Variants in LMBR1 observed in about 807,000 individuals in gnomAD.
LMBR1 encodes limb region 1 protein homolog.
A neutral mutation model predicts 73.9 loss-of-function variants in LMBR1; 52 were observed. The observed-to-expected ratio is 0.70, with a 90% CI of 0.56 to 0.89. The LOEUF is 0.89. Ranked by LOEUF, LMBR1 falls within the 40% of genes least tolerant of loss-of-function variation. LMBR1 has a pLI of 0.00. For missense variants in LMBR1, 539 were observed against 579.8 expected (o/e 0.93, Z 0.72); for synonymous variants, 215 against 209.4 (o/e 1.03, Z -0.23).
intron 5 of LMBR1, among the ~76,000 whole-genome samples, chr7:156,789,004 G>A (rs960121115): frequency 1.1e-4 from 17 of 152,124 alleles, no homozygotes; most frequent in Admixed American, 5.9e-4. Flanking sequence ...CCAAGATCTC[G>A]CCATTGCACT....
At chr7:156,701,314 G>A (rs1488740295) in intron 15 of LMBR1, among the ~76,000 whole-genome samples, 1 of 152,190 alleles carries the variant, frequency 6.6e-6, no homozygotes, top group Non-Finnish European at 1.5e-5. Flanking sequence ...TCCAATGGGT[G>A]AACAGATAAA....
intron 15 of LMBR1, among the ~76,000 whole-genome samples, chr7:156,708,365 T>G (rs1811408080): frequency 6.6e-6 from 1 of 152,214 alleles, no homozygotes; most frequent in South Asian, 2.1e-4. Flanking sequence ...ACATCCTCAC[T>G]GTGGTAGCTG....
At chr7:156,886,843 G>A (rs1174178191) in intron 1 of LMBR1, among the ~76,000 whole-genome samples, 1 of 152,156 alleles carries the variant, frequency 6.6e-6, no homozygotes, top group Non-Finnish European at 1.5e-5. Flanking sequence ...TGTTCTCTCA[G>A]TCTTCAGATC....
intron 15 of LMBR1, among the ~76,000 whole-genome samples, chr7:156,689,512 C>G (rs1025248554): frequency 1.3e-5 from 2 of 152,140 alleles, no homozygotes; most frequent in East Asian, 3.8e-4. Flanking sequence ...TCTACAAAAG[C>G]AGCTTAGAGA....
chr7:156,821,786 C>T (rs906259591), intron 4 of LMBR1, among the ~76,000 whole-genome samples: 7 of 151,868 alleles, frequency 4.6e-5, no homozygotes, highest in African/African-American at 1.7e-4. Context: ...TCCCCAGCCA[C>T]CCCTGTCATT....
At position 156,670,701 on chromosome 7, in the gene LMBR1, G is replaced by A. The variant is rs368288321; in HGVS notation, n.867-1414C>T. Reference sequence around the variant, plus strand: ...CGGCAGAAGGTGAGATGGCATCTCCGTGTGTCGGGAGAGACCTAACCGCCA... The same window carrying A: ...CGGCAGAAGGTGAGATGGCATCTCCATGTGTCGGGAGAGACCTAACCGCCA... On this transcript the variant is annotated intron_variant and non_coding_transcript_variant, in intron 4 of 4. Transcript: ENST00000430825. This position sits in a 1 kb window ranked among gnomAD's most constrained non-coding sequence, Gnocchi z 4.3. Among the ~76,000 whole-genome samples, 107 of 152,274 alleles carry A rather than the reference G, an allele frequency of 7.0e-4. 1 individual carries two copies. The South Asian group carries it at 0.021, about 30-fold the overall frequency.
chr7:156,779,781 G>A, intron 5 of LMBR1: 1 of 864,334 alleles, frequency 1.2e-6, no homozygotes, highest in East Asian at 6.3e-5. Flanking sequence ...CTACCCATTA[G>A]GAAGCCTGGG....
At chr7:156,733,656 C>A (rs776157039) in intron 10 of LMBR1, among the ~76,000 whole-genome samples, 1 of 151,902 alleles carries the variant, frequency 6.6e-6, no homozygotes, top group African/African-American at 2.4e-5. Context: ...TCAGCTATAG[C>A]CTAAAATACA....
chr7:156,743,243 C>T (rs116708528), intron 9 of LMBR1, among the ~76,000 whole-genome samples: 1,732 of 152,168 alleles, frequency 0.011, 37 homozygotes, highest in African/African-American at 0.039. Context: ...AAATGACTTA[C>T]GATTTAGCTT....
intron 1 of LMBR1, among the ~76,000 whole-genome samples, chr7:156,863,406 C>T (rs529249571): frequency 2.7e-4 from 41 of 152,142 alleles, no homozygotes; most frequent in Admixed American, 2.6e-3. Flanking sequence ...GGTGCCCACC[C>T]AGATTAAGTG....
chr7:156,814,035 T>C (rs1300849350), intron 4 of LMBR1, among the ~76,000 whole-genome samples: 1 of 152,218 alleles, frequency 6.6e-6, no homozygotes, highest in African/African-American at 2.4e-5. Context: ...AACCTTGCTC[T>C]TATTTTAGTG....
intron 9 of LMBR1, among the ~76,000 whole-genome samples, chr7:156,755,066 T>G (rs1023223015): frequency 6.6e-6 from 1 of 152,166 alleles, no homozygotes; most frequent in African/African-American, 2.4e-5. Context: ...TGTAAAAAAA[T>G]TATACTTAGC....
At chr7:156,818,096 T>C (rs1187972479) in intron 4 of LMBR1, among the ~76,000 whole-genome samples, 2 of 152,204 alleles carry the variant, frequency 1.3e-5, no homozygotes, top group African/African-American at 4.8e-5. Context: ...AACAGTACAT[T>C]AAAATTTATT....
At chr7:156,881,014 C>T (rs1044690058) in intron 1 of LMBR1, among the ~76,000 whole-genome samples, 8 of 152,058 alleles carry the variant, frequency 5.3e-5, no homozygotes, top group African/African-American at 1.9e-4. Context: ...TATGGAATGA[C>T]AAAAGACTAT....
chr7:156,819,445 CTAA>C (rs1321896659), intron 4 of LMBR1, among the ~76,000 whole-genome samples: 2 of 152,080 alleles, frequency 1.3e-5, no homozygotes, highest in African/African-American at 4.8e-5. Flanking sequence ...CAAAATATTC[CTAA>C]TGATATAATT....
intron 4 of LMBR1, among the ~76,000 whole-genome samples, chr7:156,809,505 A>G (rs74586679): frequency 0.015 from 2,345 of 152,348 alleles, 48 homozygotes; most frequent in African/African-American, 0.052. Context: ...TCCATAGATT[A>G]CTTACAATAC....
intron 5 of LMBR1, among the ~76,000 whole-genome samples, chr7:156,792,713 A>T (rs906581478): frequency 1.3e-5 from 2 of 152,210 alleles, no homozygotes; most frequent in Non-Finnish European, 2.9e-5. Flanking sequence ...TAAGTAGAGA[A>T]TTCTGCTTAA....
At chr7:156,677,283 T>C (rs980589702), downstream of LMBR1, among the ~76,000 whole-genome samples, 1 of 152,152 alleles carries the variant, frequency 6.6e-6, no homozygotes, top group Non-Finnish European at 1.5e-5. Flanking sequence ...GTCTCATCGG[T>C]TAGGTTACCC....
chr7:156,849,768 T>C (rs1795992743), intron 1 of LMBR1, among the ~76,000 whole-genome samples: 1 of 152,156 alleles, frequency 6.6e-6, no homozygotes, highest in Admixed American at 6.5e-5. Context: ...TACATGTTCT[T>C]ATAAAATTTT....
Sources: allele counts gnomAD v4.1 joint callset (sites outside exome capture counted in the v4.1 genomes callset), GRCh38; gene constraint gnomAD v4.1.1; non-coding constraint Gnocchi (gnomAD v3.1); transcripts MANE v1.5; gene names NCBI Gene and HGNC (gene_info 2026-07-23, HGNC 2026-07-21).